The following MCTP2 variants were observed in gnomAD, a reference collection of about 807,000 sequenced individuals.
The protein encoded by MCTP2 is multiple C2 and transmembrane domain containing 2.
Under a neutral mutation model 111.6 loss-of-function variants are expected in MCTP2, and 132 were observed. The observed-to-expected ratio is 1.18, with a 90% CI of 1.03 to 1.37. The LOEUF is 1.37. Ranked by LOEUF, MCTP2 falls within the 40% of genes most tolerant of loss-of-function variation. The probability of loss-of-function intolerance (pLI) is 0.00; values close to 1 mark genes in which losing one functional copy is unlikely to be tolerated. For missense variants in MCTP2, 1,183 were observed against 1,067.9 expected, an observed-to-expected ratio of 1.11 and a Z score of -1.50; for synonymous variants, 395 against 387.7, an observed-to-expected ratio of 1.02 and a Z score of -0.22.
intron 10 of MCTP2, among the ~76,000 whole-genome samples, chr15:94,362,992 G>A (rs1443534511): frequency 6.6e-6 from 1 of 152,208 alleles, no homozygotes; most frequent in Non-Finnish European, 1.5e-5. Flanking sequence ...CTTCAGGTGA[G>A]TAGAACAATG....
chr15:94,407,795 A>G (rs996166786), intron 17 of MCTP2, among the ~76,000 whole-genome samples: 2 of 141,738 alleles, frequency 1.4e-5, no homozygotes, highest in Admixed American at 1.4e-4. Flanking sequence ...ACACACACAC[A>G]CACACACACA....
chr15:94,314,432 T>C, intron 3 of MCTP2, 88 bp downstream of exon 3: 1 of 993,868 alleles, frequency 1.0e-6, no homozygotes, highest in Non-Finnish European at 1.5e-6. Context: ...GCCTCTTTTA[T>C]TGCTAAAAAA....
At chr15:94,468,091 A>G (rs1424696844) in intron 20 of MCTP2, among the ~76,000 whole-genome samples, 1 of 152,184 alleles carries the variant, frequency 6.6e-6, no homozygotes, top group East Asian at 1.9e-4. Context: ...AAAGCAACAA[A>G]CTGAAAGAAT....
Position 94,314,300 on chromosome 15 carries a change from G to C in MCTP2, c.484G>C (p.Asp162His). 2 of 1,608,830 alleles carry C rather than the reference G, an allele frequency of 1.2e-6. No homozygotes were observed. Among genetic ancestry groups the C allele is most frequent in the Non-Finnish European group, 1.7e-6 (2 of 1,177,974 alleles). Residue 162 changes from aspartate (D) to histidine (H), a missense_variant, in exon 3 of 23, where the codon GAC becomes CAC. Coordinates refer to ENST00000357742, the MANE Select transcript of MCTP2 (RefSeq NM_001385001.1). ...TTTGCAGAAGCTATGTGGAAGCAGT[G>C]ACCTGAATGCTTCTATGACATCTCA... is the stretch of plus-strand genomic sequence containing the variant. ...EEPEKLCGSSDLNASMTSQHF... is the reference protein window; with the variant it reads ...EEPEKLCGSSHLNASMTSQHF...
intron 8 of MCTP2, among the ~76,000 whole-genome samples, chr15:94,353,144 C>G (rs2078404841): frequency 6.6e-6 from 1 of 152,188 alleles, no homozygotes; most frequent in African/African-American, 2.4e-5. Context: ...GCAAGTCCAT[C>G]AGATCAAACA....
At chr15:94,434,787 T>C (rs1279177791) in intron 17 of MCTP2, among the ~76,000 whole-genome samples, 1 of 152,170 alleles carries the variant, frequency 6.6e-6, no homozygotes, top group Non-Finnish European at 1.5e-5. Flanking sequence ...TGAAGTCAGC[T>C]AGTGTGTTAT....
chr15:94,437,820 CAT>C (rs752081972), intron 17 of MCTP2, among the ~76,000 whole-genome samples: 8 of 151,934 alleles, frequency 5.3e-5, no homozygotes, highest in Non-Finnish European at 1.0e-4. Flanking sequence ...TAGACACACT[CAT>C]GTGGGAACTT....
intron 7 of MCTP2, among the ~76,000 whole-genome samples, chr15:94,344,355 T>A (rs1225272398): frequency 6.6e-6 from 1 of 152,190 alleles, no homozygotes; most frequent in Non-Finnish European, 1.5e-5. Flanking sequence ...GTAAATGTGG[T>A]CTGCTCAATT....
At chr15:94,352,202 G>A (rs1323050306) in intron 8 of MCTP2, among the ~76,000 whole-genome samples, 1 of 152,186 alleles carries the variant, frequency 6.6e-6, no homozygotes, top group Non-Finnish European at 1.5e-5. Flanking sequence ...GTTTGAATCT[G>A]CTGGGTATAA....
intron 2 of MCTP2, among the ~76,000 whole-genome samples, chr15:94,303,105 A>ATATATATATAGTT (rs1306349409): frequency 2.3e-5 from 3 of 133,046 alleles, no homozygotes; most frequent in African/African-American, 8.8e-5. Flanking sequence ...TATAGTTTAT[A>ATATATATATAGTT]TATATATATA....
At chr15:94,236,368 C>CTT (rs1167268187) in intron 1 of MCTP2, among the ~76,000 whole-genome samples, 10 of 67,178 alleles carry the variant, frequency 1.5e-4, no homozygotes, top group African/African-American at 3.0e-4. Context: ...TCAATCCTTT[C>CTT]TTTTTTTTCT....
rs1555443837 is a variant in MCTP2, at chr15:94,268,190, T to TC, written c.-65-30011_-65-30010insC. ...CCAAATTCATTCTTTCTTTCTTTTT[T>TC]TTTTTTTTGAGACAGAGTTTCGCTC... On this transcript the variant is annotated intron_variant, in intron 1 of 22. Coordinates refer to ENST00000357742, the MANE Select transcript of MCTP2 (RefSeq NM_001385001.1). Among the ~76,000 whole-genome samples the TC allele has an allele frequency of 1.2e-4, 17 of 144,460 alleles. 1 individual carries two copies. In the South Asian group the frequency reaches 3.8e-3, roughly 32 times the overall value. The allele number at this position is 144,460 out of a possible 152,430, so 94.8% of individuals were successfully genotyped here.
intron 17 of MCTP2, among the ~76,000 whole-genome samples, chr15:94,404,740 G>A (rs534517185): frequency 3.9e-5 from 6 of 152,110 alleles, no homozygotes; most frequent in African/African-American, 1.4e-4. Flanking sequence ...TTGGCGGGGC[G>A]GGTTGCACAC....
chr15:94,243,331 G>A (rs1298300312), intron 1 of MCTP2, among the ~76,000 whole-genome samples: 5 of 145,376 alleles, frequency 3.4e-5, no homozygotes, highest in Non-Finnish European at 6.1e-5. Context: ...ATACGTATGC[G>A]TATATGCGTA....
intron 14 of MCTP2, among the ~76,000 whole-genome samples, chr15:94,387,410 G>T (rs1359604986): frequency 6.6e-6 from 1 of 151,992 alleles, no homozygotes; most frequent in Admixed American, 6.6e-5. Flanking sequence ...AGGGGGTAGA[G>T]ATCACTTCCA....
intron 3 of MCTP2, 76 bp from the exon 4 acceptor site, chr15:94,315,453 A>G: frequency 9.3e-7 from 1 of 1,070,480 alleles, no homozygotes; most frequent in Non-Finnish European, 1.4e-6. Flanking sequence ...TTCCCTCCAA[A>G]ATCGAGAAGT....
chr15:94,268,501 T>G (rs1448239579), intron 1 of MCTP2, among the ~76,000 whole-genome samples: 1 of 152,092 alleles, frequency 6.6e-6, no homozygotes, highest in African/African-American at 2.4e-5. Context: ...CACTTTCCTT[T>G]TCTTCTTTTT....
chr15:94,358,563 A>G lies in MCTP2; in HGVS notation c.1252A>G (p.Ile418Val). Residue 418 changes from isoleucine (I) to valine (V), a missense_variant, in exon 10 of 23, where the codon ATT becomes GTT. Transcript: ENST00000357742. The stretch of plus-strand genomic sequence containing the variant: ...CTCTGACAGGATGGGCATTTTGGAC[A>G]TTGAAGTGTGGGGAAAGGACAACAA... ...YFSDRMGILD[I>V]EVWGKDNKKH... The G allele has an allele frequency of 6.2e-7, 1 of 1,613,870 alleles. No homozygotes were observed. The highest frequency in any genetic ancestry group is 8.5e-7 in the Non-Finnish European group (1 of 1,179,812).
At chr15:94,395,347 T>G (rs1244219190) in intron 14 of MCTP2, among the ~76,000 whole-genome samples, 6 of 152,186 alleles carry the variant, frequency 3.9e-5, no homozygotes, top group African/African-American at 1.4e-4. Flanking sequence ...GGTCAAACAA[T>G]GGGGAATCAG....
Sources: gnomAD v4.1 joint callset for allele counts (sites outside exome capture counted in the v4.1 genomes callset) on GRCh38, gnomAD v4.1.1 for gene constraint, MANE v1.5 for transcripts, NCBI Gene and HGNC (gene_info 2026-07-23, HGNC 2026-07-21) for gene names.